Variants in ERG observed in about 807,000 individuals in gnomAD.
ERG encodes the protein ETS transcription factor ERG.
Under a neutral mutation model 55.3 loss-of-function variants are expected in ERG, and 9 were observed. That is an observed-to-expected ratio of 0.16 (90% confidence interval 0.10 to 0.28). The LOEUF (loss-of-function observed/expected upper bound fraction) is 0.28, where lower values mean the gene tolerates loss of function less well. Ranked by LOEUF, ERG falls within the 10% of genes least tolerant of loss-of-function variation. ERG has a pLI of 1.00. For missense variants in ERG, 434 were observed against 631.6 expected, an observed-to-expected ratio of 0.69 and a Z score of 3.35; for synonymous variants, 223 against 237.3, an observed-to-expected ratio of 0.94 and a Z score of 0.55.
At chr21:38,426,651 C>A (rs1040419013) in intron 2 of ERG, among the ~76,000 whole-genome samples, 2 of 152,094 alleles carry the variant, frequency 1.3e-5, no homozygotes, top group African/African-American at 4.8e-5. Context: ...TAGAAACAGG[C>A]CAGGTGTGGT....
chr21:38,435,786 T>G (rs988350794), intron 2 of ERG, among the ~76,000 whole-genome samples: 1 of 152,198 alleles, frequency 6.6e-6, no homozygotes, highest in African/African-American at 2.4e-5. Context: ...ATGCACCATT[T>G]TGGGATTCAT....
intron 1 of ERG, among the ~76,000 whole-genome samples, chr21:38,654,181 T>C (rs1461109143): frequency 6.6e-6 from 1 of 152,250 alleles, no homozygotes; most frequent in African/African-American, 2.4e-5. Flanking sequence ...ATTTCATCTA[T>C]AAAATCCTTT....
chr21:38,380,722 T>G lies in ERG; in HGVS notation c.*2681A>C. 1 of 1,064,962 alleles carries G rather than the reference T, an allele frequency of 9.4e-7. No individual in the cohort carries two copies. Among genetic ancestry groups the G allele is most frequent in the Non-Finnish European group, 1.1e-6 (1 of 879,086 alleles). 66.0% of individuals were successfully genotyped at this position (1,064,962 alleles called of 1,614,324 possible). ...ATCATGTTATCCAAAATTATCCCAGTTGCTCATAAGACTTGCTAATAACCT... is the reference window on the plus strand; with the variant it reads ...ATCATGTTATCCAAAATTATCCCAGGTGCTCATAAGACTTGCTAATAACCT... On this transcript the variant is annotated 3_prime_UTR_variant, in exon 10 of 10. Transcript: ENST00000288319.
intron 2 of ERG, among the ~76,000 whole-genome samples, chr21:38,549,096 G>C (rs775605434): frequency 1.8e-4 from 28 of 152,020 alleles, no homozygotes; most frequent in Non-Finnish European, 1.9e-4. Context: ...CTGGGCAACA[G>C]AGCAAGACTC....
At chr21:38,652,948 AC>A (rs1442749363) in intron 1 of ERG, among the ~76,000 whole-genome samples, 1 of 152,008 alleles carries the variant, frequency 6.6e-6, no homozygotes, top group East Asian at 1.9e-4. Context: ...ACAAGCATTC[AC>A]CCCTTTTCTA....
intron 1 of ERG, among the ~76,000 whole-genome samples, chr21:38,469,894 A>T (rs1157028627): frequency 1.3e-5 from 2 of 152,228 alleles, no homozygotes; most frequent in African/African-American, 4.8e-5. Flanking sequence ...AACACTTGCC[A>T]TATTTATTAC....
intron 1 of ERG, among the ~76,000 whole-genome samples, chr21:38,445,869 C>A (rs1601413840): frequency 6.6e-6 from 1 of 151,930 alleles, no homozygotes; most frequent in Non-Finnish European, 1.5e-5. Flanking sequence ...TGTGGCAGGG[C>A]AGCAGAATAT....
intron 2 of ERG, among the ~76,000 whole-genome samples, chr21:38,551,199 T>A (rs1301303995): frequency 6.6e-6 from 1 of 152,066 alleles, no homozygotes; most frequent in Admixed American, 6.5e-5. Context: ...AATGTCCCCT[T>A]TGTCATTTCT....
rs1039093461 is a variant in ERG at position 38,627,143 on chromosome 21, A to C, written c.-150+34515T>G. Among the ~76,000 whole-genome samples, 7 of 152,200 alleles carry C rather than the reference A, an allele frequency of 4.6e-5. No individual in the cohort carries two copies. The East Asian group carries it at 7.7e-4, about 17-fold the overall frequency. On this transcript the variant is annotated intron_variant, in intron 1 of 10. Coordinates refer to the ERG transcript ENST00000398910. ...AAAAGAGTATTATTAAAAAGACAAC[A>C]AAAGTAGATGTTGAATATTTCATGT...
intron 2 of ERG, among the ~76,000 whole-genome samples, chr21:38,427,962 G>T (rs1989914935): frequency 6.6e-6 from 1 of 152,150 alleles, no homozygotes; most frequent in South Asian, 2.1e-4. Flanking sequence ...CAAGATAGGT[G>T]AATTGTTTTA....
chr21:38,612,743 A>G (rs2060235493), intron 1 of ERG, among the ~76,000 whole-genome samples: 1 of 149,696 alleles, frequency 6.7e-6, no homozygotes, highest in Admixed American at 6.7e-5. Context: ...GGCTCACTGC[A>G]ACCTCCGCCT....
intron 2 of ERG, among the ~76,000 whole-genome samples, chr21:38,571,395 C>A (rs1326117011): frequency 6.6e-6 from 1 of 151,952 alleles, no homozygotes. Context: ...CCTGTAGTCC[C>A]AGCTACTCAG....
Position 38,601,625 on chromosome 21 carries a change from T to G in ERG, c.-149-16680A>C, listed in dbSNP as rs566400621. On this transcript the variant is annotated intron_variant, in intron 1 of 10. Transcript: ENST00000398910. ...TAGATTACTTGACTCCCCGAGTTTCTCATTCCTTTGACAGGCACCCATGAG... is the reference window on the plus strand; with the variant it reads ...TAGATTACTTGACTCCCCGAGTTTCGCATTCCTTTGACAGGCACCCATGAG... Among the ~76,000 whole-genome samples the G allele has an allele frequency of 2.0e-5, 3 of 152,270 alleles. No homozygotes were observed. The East Asian group carries it at 5.8e-4, about 30-fold the overall frequency.
At chr21:38,438,781 C>T (rs1416837168) in intron 2 of ERG, among the ~76,000 whole-genome samples, 6 of 152,238 alleles carry the variant, frequency 3.9e-5, no homozygotes, top group Admixed American at 3.9e-4. Context: ...GTCACCTTTA[C>T]CCAGCTGCTG....
Position 38,520,321 on chromosome 21 carries a change from A to G in ERG, c.-41+55341T>C, listed in dbSNP as rs2146746925. Among the ~76,000 whole-genome samples the G allele has an allele frequency of 1.3e-5, 2 of 152,262 alleles. 1 individual carries two copies. The highest frequency in any genetic ancestry group is 4.1e-4 in the South Asian group (2 of 4,824). ...ATTAGAACCTGCACAACAAATAGGAACCAGCTACTTAAAGATCCAGAGAAG... is the reference window on the plus strand; with the variant it reads ...ATTAGAACCTGCACAACAAATAGGAGCCAGCTACTTAAAGATCCAGAGAAG... On this transcript the variant is annotated intron_variant, in intron 2 of 8. Coordinates refer to the ERG transcript ENST00000398897.
chr21:38,425,976 T>A (rs997176401), intron 2 of ERG, among the ~76,000 whole-genome samples: 2 of 152,220 alleles, frequency 1.3e-5, no homozygotes, highest in African/African-American at 4.8e-5. Context: ...CAGCATCACT[T>A]ACAAATGTGT....
At chr21:38,585,433 A>T (rs973380310), upstream of ERG, among the ~76,000 whole-genome samples, 3 of 152,022 alleles carry the variant, frequency 2.0e-5, no homozygotes, top group Non-Finnish European at 2.9e-5. Context: ...GTATTTTTTA[A>T]AATCTTAGAA....
At chr21:38,602,342 G>A (rs891206701) in intron 1 of ERG, among the ~76,000 whole-genome samples, 1 of 151,950 alleles carries the variant, frequency 6.6e-6, no homozygotes, top group African/African-American at 2.4e-5. Flanking sequence ...CTACTAAGGA[G>A]GCTGAGACAG....
At chr21:38,430,694 C>T (rs116741269) in intron 2 of ERG, among the ~76,000 whole-genome samples, 1,978 of 152,278 alleles carry the variant, frequency 0.013, 33 homozygotes, top group African/African-American at 0.041. Context: ...TGAACAATAG[C>T]CCAATGGCTG....
Sources: gnomAD v4.1 joint callset for allele counts (sites outside exome capture counted in the v4.1 genomes callset) on GRCh38, gnomAD v4.1.1 for gene constraint, MANE v1.5 for transcripts, NCBI Gene and HGNC (gene_info 2026-07-23, HGNC 2026-07-21) for gene names.